The following FRMD3 variants were observed in gnomAD, a reference collection of about 807,000 sequenced individuals.
The protein encoded by FRMD3 is FERM domain-containing protein 3.
FRMD3 carries 33 observed loss-of-function variants against 70.2 expected under a neutral mutation model. The ratio of observed to expected loss-of-function variants is 0.47; its 90% CI spans 0.36 to 0.63. The LOEUF (loss-of-function observed/expected upper bound fraction) is 0.63. Among genes scored for constraint, FRMD3 ranks in the 20% least tolerant of loss-of-function variants. FRMD3 has a pLI of 0.00. For missense variants in FRMD3, 632 were observed against 711.4 expected (o/e 0.89, Z 1.27); for synonymous variants, 279 against 255.9 (o/e 1.09, Z -0.86).
chr9:83,407,542 A>G (rs1001984433), intron 1 of FRMD3, among the ~76,000 whole-genome samples: 6 of 152,222 alleles, frequency 3.9e-5, no homozygotes, highest in African/African-American at 1.2e-4. Flanking sequence ...CAGAATGAAA[A>G]TTAGTAGCTG....
intron 1 of FRMD3, among the ~76,000 whole-genome samples, chr9:83,404,435 T>C (rs1826040913): frequency 3.3e-5 from 5 of 152,196 alleles, no homozygotes. Context: ...ACATCCAATC[T>C]ACCAGCTCTT....
intron 1 of FRMD3, among the ~76,000 whole-genome samples, chr9:83,524,699 C>T (rs914082146): frequency 6.6e-6 from 1 of 152,240 alleles, no homozygotes; most frequent in East Asian, 1.9e-4. Flanking sequence ...AGACATTGGA[C>T]CAATCCTATA....
At chr9:83,285,039 G>A (rs1834138549) in intron 13 of FRMD3, among the ~76,000 whole-genome samples, 1 of 152,220 alleles carries the variant, frequency 6.6e-6, no homozygotes, top group South Asian at 2.1e-4. Context: ...CCTGATGGAT[G>A]AGGACAATAC....
intron 1 of FRMD3, among the ~76,000 whole-genome samples, chr9:83,471,986 T>G (rs1205487931): frequency 1.3e-5 from 2 of 152,184 alleles, no homozygotes; most frequent in African/African-American, 2.4e-5. Context: ...GGTTTGAATG[T>G]GAGAATACAA....
chr9:83,385,367 A>AT (rs1178005885), intron 2 of FRMD3, among the ~76,000 whole-genome samples: 2 of 152,078 alleles, frequency 1.3e-5, no homozygotes, highest in African/African-American at 2.4e-5. Context: ...AACTGAGGAG[A>AT]TTTTTTACTG....
intron 1 of FRMD3, among the ~76,000 whole-genome samples, chr9:83,528,734 C>T (rs543986051): frequency 6.6e-6 from 1 of 152,118 alleles, no homozygotes; most frequent in Non-Finnish European, 1.5e-5. Context: ...CACCATGTTG[C>T]CCAGGCTGGT....
chr9:83,422,263 C>T (rs1025784554), intron 1 of FRMD3, among the ~76,000 whole-genome samples: 1 of 152,008 alleles, frequency 6.6e-6, no homozygotes, highest in Non-Finnish European at 1.5e-5. Context: ...CCATGGGCCT[C>T]CTGAAGACCC....
intron 1 of FRMD3, among the ~76,000 whole-genome samples, chr9:83,404,392 C>G (rs1826038955): frequency 6.6e-6 from 1 of 152,114 alleles, no homozygotes; most frequent in African/African-American, 2.4e-5. Context: ...CTCTTTGAGG[C>G]AGACAGCAGC....
At chr9:83,414,080 G>A (rs900883730) in intron 1 of FRMD3, among the ~76,000 whole-genome samples, 5 of 151,788 alleles carry the variant, frequency 3.3e-5, no homozygotes, top group South Asian at 2.1e-4. Context: ...ACACACACAC[G>A]AATTCGAGAG....
intron 1 of FRMD3, among the ~76,000 whole-genome samples, chr9:83,488,624 A>G (rs1263781221): frequency 6.6e-6 from 1 of 152,148 alleles, no homozygotes. Flanking sequence ...TTTATTTCAC[A>G]CTCAAAATTC....
chr9:83,509,785 G>A (rs575300294), intron 1 of FRMD3, among the ~76,000 whole-genome samples: 3 of 149,864 alleles, frequency 2.0e-5, no homozygotes, highest in African/African-American at 5.0e-5. Flanking sequence ...GCACACGCGC[G>A]CGCACACACA....
At chr9:83,312,005 A>C in intron 7 of FRMD3, 30 bp from the exon 8 acceptor site, 2 of 1,468,858 alleles carry the variant, frequency 1.4e-6, no homozygotes, top group Non-Finnish European at 1.9e-6. Context: ...AAAAAGAAAA[A>C]TCTGTTTAGA....
intron 13 of FRMD3, among the ~76,000 whole-genome samples, chr9:83,277,100 G>A (rs1316477399): frequency 6.6e-6 from 1 of 152,158 alleles, no homozygotes; most frequent in African/African-American, 2.4e-5. Context: ...AGGAAAGATG[G>A]TAAGAAATAT....
intron 1 of FRMD3, among the ~76,000 whole-genome samples, chr9:83,453,711 A>ATTTT (rs59376142): frequency 2.6e-5 from 3 of 115,094 alleles, no homozygotes; most frequent in Non-Finnish European, 5.1e-5. Context: ...GTTTGTTTTA[A>ATTTT]TTTTTTTTTT....
chr9:83,399,934 CT>C lies in FRMD3; in HGVS notation c.148-10227del, dbSNP rs1194261080. On this transcript the variant is annotated intron_variant, in intron 1 of 13. Transcript: ENST00000304195. ...AAACAGGGAACAAGGCAAAGATGTC[CT>C]CTCTTACCACTTCTTTTCAACACCA... Among the ~76,000 whole-genome samples the C allele has an allele frequency of 2.6e-5, 4 of 152,212 alleles. No individual in the cohort carries two copies. In the East Asian group the frequency reaches 7.7e-4, roughly 29 times the overall value.
chr9:83,514,532 G>A (rs927982629), intron 1 of FRMD3, among the ~76,000 whole-genome samples: 21 of 152,170 alleles, frequency 1.4e-4, no homozygotes, highest in Admixed American at 7.2e-4. Context: ...GGTTGTGGGC[G>A]CAGCTTCAGC....
intron 13 of FRMD3, among the ~76,000 whole-genome samples, chr9:83,289,517 G>C (rs2209188): frequency 0.55 from 83,325 of 152,048 alleles, 24,399 homozygotes; most frequent in South Asian, 0.78. Flanking sequence ...TTTTTTATGT[G>C]TCACTGCAAA....
Position 83,247,707 on chromosome 9 carries a change from C to A in FRMD3, c.*211G>T. ...AACATATTTTTGGTTATTTAAAGAC[C>A]ATCTTCCTAACCTGTAACTAAAATA... On this transcript the variant is annotated 3_prime_UTR_variant, in exon 14 of 14. Coordinates refer to ENST00000304195, the MANE Select transcript of FRMD3 (RefSeq NM_174938.6). 4 of 1,366,600 alleles carry A rather than the reference C, an allele frequency of 2.9e-6. No individual in the cohort carries two copies. The highest frequency in any genetic ancestry group is 2.9e-6 in the Non-Finnish European group (3 of 1,051,614). The allele number at this position is 1,366,600 out of a possible 1,614,324, so 84.7% of individuals were successfully genotyped here. A position where few individuals can be genotyped will look rare whatever the true frequency, so the allele number is the denominator to read the frequency against.
chr9:83,344,787 A>G (rs1823894495), intron 4 of FRMD3, among the ~76,000 whole-genome samples: 1 of 148,996 alleles, frequency 6.7e-6, no homozygotes, highest in African/African-American at 2.5e-5. Context: ...AAATCTCATT[A>G]TGTATGAAAG....
Sources: allele counts gnomAD v4.1 joint callset (sites outside exome capture counted in the v4.1 genomes callset), GRCh38; gene constraint gnomAD v4.1.1; transcripts MANE v1.5; gene names NCBI Gene and HGNC (gene_info 2026-07-23, HGNC 2026-07-21).